MRTFB: variants seen among roughly 807,000 people sequenced by gnomAD.
MRTFB encodes myocardin-related transcription factor B.
MRTFB carries 29 observed loss-of-function variants against 104.2 expected under a neutral mutation model. The observed-to-expected ratio is 0.28, with a 90% confidence interval of 0.21 to 0.38. The LOEUF (loss-of-function observed/expected upper bound fraction) is 0.38. MRTFB is among the 10% of genes least tolerant of loss of function. The pLI is 1.00. For synonymous variants in MRTFB, 535 were observed against 519.5 expected, an observed-to-expected ratio of 1.03 and a Z score of -0.41; for missense variants, 1,270 against 1,341.6, an observed-to-expected ratio of 0.95 and a Z score of 0.83.
chr16:14,012,744 C>A, the MRTFB span, among the ~76,000 whole-genome samples: 2 of 152,214 alleles, frequency 1.3e-5, no homozygotes, highest in African/African-American at 4.8e-5. Flanking sequence ...AATGGTAGAA[C>A]TGGGATTTGA....
At chr16:14,076,528 AC>A (rs2034068874) in intron 1 of MRTFB, among the ~76,000 whole-genome samples, 1 of 152,224 alleles carries the variant, frequency 6.6e-6, no homozygotes, top group Non-Finnish European at 1.5e-5. Flanking sequence ...TGTAAAATAT[AC>A]ATTGTTTAGC....
the MRTFB span, among the ~76,000 whole-genome samples, chr16:14,002,523 G>A: frequency 2.6e-5 from 4 of 152,148 alleles, no homozygotes; most frequent in East Asian, 1.9e-4. Flanking sequence ...ATTCTGCTGC[G>A]TTGAATGCTG....
chr16:14,143,694 A>C (rs1325430356), intron 3 of MRTFB: 2 of 152,122 alleles, frequency 1.3e-5, no homozygotes, highest in African/African-American at 4.8e-5. Flanking sequence ...AATCACAAGT[A>C]CCATTCACAA....
In MRTFB at chr16:14,218,851, G is replaced by A. The variant is rs550904085; in HGVS notation, c.546G>A (p.Gln182=). 5 of 1,612,672 alleles carry A rather than the reference G, an allele frequency of 3.1e-6. No individual in the cohort carries two copies. The highest frequency in any genetic ancestry group is 4.5e-5 in the East Asian group (2 of 44,804). ...GGAAGGAGGACTATCCCCACACTCA[G>A]GGCGATTTCTCATTTGATGAAGACA... ...GVGKEDYPHT[Q]GDFSFDEDSS... is the part of the protein sequence containing the mutation. Residue 182 remains glutamine, a synonymous_variant, in exon 8 of 17, where the codon CAG becomes CAA. Coordinates refer to ENST00000571589, the MANE Select transcript of MRTFB (RefSeq NM_001308142.2).
At chr16:14,125,225 A>G (rs1596967827) in intron 2 of MRTFB, among the ~76,000 whole-genome samples, 1 of 152,226 alleles carries the variant, frequency 6.6e-6, no homozygotes, top group South Asian at 2.1e-4. Context: ...TCTCTCAGAG[A>G]GGTGGGCTGG....
intron 8 of MRTFB, among the ~76,000 whole-genome samples, chr16:14,230,292 TAAACTA>T (rs2042199041): frequency 6.6e-6 from 1 of 152,110 alleles, no homozygotes; most frequent in Admixed American, 6.5e-5. Flanking sequence ...GGGATCTACT[TAAACTA>T]AAGAGCTTCT....
chr16:14,256,195 A>AACAAC (rs527283167), intron 15 of MRTFB, among the ~76,000 whole-genome samples: 35 of 84,532 alleles, frequency 4.1e-4, no homozygotes, highest in African/African-American at 3.3e-3. Flanking sequence ...ACAGGATAAC[A>AACAAC]AAAAAAAAAA....
At chr16:14,253,484 G>A (rs2043341646) in intron 15 of MRTFB, among the ~76,000 whole-genome samples, 1 of 152,180 alleles carries the variant, frequency 6.6e-6, no homozygotes, top group Admixed American at 6.5e-5. Context: ...GTATGCAGTG[G>A]GTCAAGCTGC....
At chr16:14,168,442 C>G in intron 3 of MRTFB, among the ~76,000 whole-genome samples, 1 of 152,158 alleles carries the variant, frequency 6.6e-6, no homozygotes, top group East Asian at 1.9e-4. Context: ...TGGTTTTGTT[C>G]ACCATTTATC....
At chr16:14,185,040 T>C (rs2039899274) in intron 3 of MRTFB, among the ~76,000 whole-genome samples, 1 of 152,256 alleles carries the variant, frequency 6.6e-6, no homozygotes, top group African/African-American at 2.4e-5. Context: ...GTTATTTTTA[T>C]TACTCCTTTA....
At chr16:14,167,754 C>T (rs1461603379) in intron 3 of MRTFB, among the ~76,000 whole-genome samples, 1 of 152,062 alleles carries the variant, frequency 6.6e-6, no homozygotes, top group Non-Finnish European at 1.5e-5. Flanking sequence ...TGCAGTGGCG[C>T]GATCTTGGCT....
At chr16:14,204,091 A>G (rs1259102659) in intron 3 of MRTFB, among the ~76,000 whole-genome samples, 1 of 152,054 alleles carries the variant, frequency 6.6e-6, no homozygotes, top group Non-Finnish European at 1.5e-5. Flanking sequence ...GAGCCTCCCA[A>G]GTAGCTGGGA....
At chr16:14,221,485 A>G (rs567113361) in intron 8 of MRTFB, among the ~76,000 whole-genome samples, 42 of 152,320 alleles carry the variant, frequency 2.8e-4, no homozygotes, top group African/African-American at 9.9e-4. Context: ...GATTTAATGC[A>G]TGACAGATCC....
At chr16:14,030,694 T>C in the MRTFB span, among the ~76,000 whole-genome samples, 1 of 152,134 alleles carries the variant, frequency 6.6e-6, no homozygotes, top group Non-Finnish European at 1.5e-5. Flanking sequence ...CAGAAACTCA[T>C]TGAGTAAGTC....
chr16:14,082,375 T>G (rs904839670), intron 2 of MRTFB, among the ~76,000 whole-genome samples: 8 of 152,216 alleles, frequency 5.3e-5, no homozygotes, highest in Non-Finnish European at 1.2e-4. Context: ...TCTGGGTTCT[T>G]TATTCTATTC....
intron 2 of MRTFB, among the ~76,000 whole-genome samples, chr16:14,091,994 CAAAAAAAAAAAAAAAA>C (rs10523985): frequency 6.2e-4 from 51 of 82,166 alleles, no homozygotes; most frequent in Admixed American, 3.5e-3. Context: ...GACTTCATCT[CAAAAAAAAAAAAAAAA>C]AAAAAAAAAA....
In MRTFB at chr16:14,266,059, T is replaced by C. The variant is rs990863250; in HGVS notation, c.*4615T>C. 6.6e-6 allele frequency: 1 copy of C among 152,202 alleles called. No homozygotes were observed. The highest frequency in any genetic ancestry group is 1.5e-5 in the Non-Finnish European group (1 of 68,030). The allele number at this position is 152,202 out of a possible 1,614,324, so 9.4% of individuals were successfully genotyped here. On this transcript the variant is annotated 3_prime_UTR_variant, in exon 17 of 17. Coordinates refer to ENST00000571589, the MANE Select transcript of MRTFB (RefSeq NM_001308142.2). ...AAAGTACTTGACCTCAAGTAACCAA[T>C]AGTAATGCAAACTTGCTTTAAAGGA...
At chr16:14,052,391 C>T in the MRTFB span, among the ~76,000 whole-genome samples, 1 of 152,030 alleles carries the variant, frequency 6.6e-6, no homozygotes. Flanking sequence ...TTACCTTGAA[C>T]ACTTATCATT....
chr16:14,088,180 G>A (rs1340204803), intron 2 of MRTFB, among the ~76,000 whole-genome samples: 3 of 152,196 alleles, frequency 2.0e-5, no homozygotes, highest in Non-Finnish European at 4.4e-5. Context: ...ACTCTCAAAT[G>A]AGTGTGTTCT....
Sources: allele counts gnomAD v4.1 joint callset (sites outside exome capture counted in the v4.1 genomes callset), GRCh38; gene constraint gnomAD v4.1.1; transcripts MANE v1.5; gene names NCBI Gene and HGNC (gene_info 2026-07-23, HGNC 2026-07-21).